Variants in NCOA2 observed in about 807,000 individuals in gnomAD.
NCOA2 encodes nuclear receptor coactivator 2, also known as class E basic helix-loop-helix protein 75.
NCOA2 carries 21 observed loss-of-function variants against 145.1 expected under a neutral mutation model. That is an observed-to-expected ratio of 0.14 (90% CI 0.10 to 0.21). NCOA2 has a LOEUF of 0.21. Among genes scored for constraint, NCOA2 ranks in the 10% least tolerant of loss-of-function variants. The pLI is 1.00. For missense variants in NCOA2, 1,472 were observed against 1,837.6 expected (o/e 0.80, Z 3.64); for synonymous variants, 619 against 637.5 (o/e 0.97, Z 0.44).
At chr8:70,400,333 G>T (rs1406924146) in intron 1 of NCOA2, among the ~76,000 whole-genome samples, 1 of 152,102 alleles carries the variant, frequency 6.6e-6, no homozygotes, top group Non-Finnish European at 1.5e-5. Flanking sequence ...GCACACAATG[G>T]AATCACAGCT....
intron 3 of NCOA2, among the ~76,000 whole-genome samples, 152 bp downstream of exon 3, chr8:70,216,508 T>C (rs1277053432): frequency 6.6e-6 from 1 of 152,210 alleles, no homozygotes; most frequent in African/African-American, 2.4e-5. Flanking sequence ...ATATTCAAAA[T>C]GTAAGCAAGT....
intron 1 of NCOA2, among the ~76,000 whole-genome samples, chr8:70,365,663 C>T (rs372451126): frequency 3.3e-5 from 5 of 152,286 alleles, no homozygotes; most frequent in East Asian, 1.9e-4. Flanking sequence ...CAATTACAGA[C>T]GTAAATGTTT....
At chr8:70,357,658 G>A (rs929131763) in intron 1 of NCOA2, among the ~76,000 whole-genome samples, 20 of 151,572 alleles carry the variant, frequency 1.3e-4, no homozygotes, top group African/African-American at 3.6e-4. Context: ...GGAGAATGGC[G>A]TGAACCTGGG....
At chr8:70,400,419 C>G (rs1334111950) in intron 1 of NCOA2, among the ~76,000 whole-genome samples, 1 of 151,976 alleles carries the variant, frequency 6.6e-6, no homozygotes, top group African/African-American at 2.4e-5. Context: ...CATTAGGAGA[C>G]TTGGTTCTCT....
chr8:70,139,865 C>T (rs569037061), intron 14 of NCOA2, among the ~76,000 whole-genome samples: 17 of 151,972 alleles, frequency 1.1e-4, no homozygotes, highest in Non-Finnish European at 1.8e-4. Flanking sequence ...GTTGGCCAGG[C>T]TGGTCTCAAA....
At position 70,111,810 on chromosome 8, in the gene NCOA2, T is replaced by C. The variant is rs1806564145; in HGVS notation, c.*1822A>G. ...CCACAAATAAACAAACAATCAAATTTCAAGGAAAAACTTCTCTGTTCCTAA... is the reference window on the plus strand; with the variant it reads ...CCACAAATAAACAAACAATCAAATTCCAAGGAAAAACTTCTCTGTTCCTAA... On this transcript the variant is annotated 3_prime_UTR_variant, in exon 23 of 23. Transcript: ENST00000452400. 1 of 215,818 alleles carries C rather than the reference T, an allele frequency of 4.6e-6. No individual in the cohort carries two copies. Among genetic ancestry groups the C allele is most frequent in the African/African-American group, 2.3e-5 (1 of 44,394 alleles). 13.4% of individuals were successfully genotyped at this position (215,818 alleles called of 1,614,324 possible). A position where few individuals can be genotyped will look rare whatever the true frequency, so the allele number is the denominator to read the frequency against.
At chr8:70,126,584 G>A (rs1018823351) in intron 19 of NCOA2, 3 of 570,254 alleles carry the variant, frequency 5.3e-6, no homozygotes, top group African/African-American at 1.9e-5. Flanking sequence ...AGTAAGACCT[G>A]CACTCAGAGA....
At chr8:70,231,786 T>A (rs1821157093) in intron 2 of NCOA2, among the ~76,000 whole-genome samples, 1 of 152,186 alleles carries the variant, frequency 6.6e-6, no homozygotes, top group African/African-American at 2.4e-5. Context: ...GATGCCCTTA[T>A]ATAGAATCTT....
At chr8:70,333,540 T>C (rs1046553893) in intron 1 of NCOA2, among the ~76,000 whole-genome samples, 4 of 152,228 alleles carry the variant, frequency 2.6e-5, no homozygotes, top group Non-Finnish European at 5.9e-5. Flanking sequence ...TTGGGCGACA[T>C]GAATACACAT....
At chr8:70,455,616 G>A in the NCOA2 span, among the ~76,000 whole-genome samples, 1 of 150,966 alleles carries the variant, frequency 6.6e-6, no homozygotes, top group East Asian at 1.9e-4. Context: ...AGCCAATTAT[G>A]GTCACTTTGG....
rs1563776041 is a variant in NCOA2 at position 70,335,153 on chromosome 8, A to AAAG, written c.-76-38354_-76-38353insCTT. Among the ~76,000 whole-genome samples the AAAG allele has an allele frequency of 2.8e-4, 37 of 131,638 alleles. 2 individuals are homozygous for AAAG. Among genetic ancestry groups the AAAG allele is most frequent in the Admixed American group, 6.0e-4 (8 of 13,230 alleles). The allele number at this position is 131,638 out of a possible 152,430, so 86.4% of individuals were successfully genotyped here. A position where few individuals can be genotyped will look rare whatever the true frequency, so the allele number is the denominator to read the frequency against. ...AAAAAAAAAAAAAAAAAAAAAAAAA[A>AAAG]GATCTCTCCCTATGACCATTTTCTC... is the stretch of plus-strand genomic sequence containing the variant. On this transcript the variant is annotated intron_variant, in intron 1 of 22. Transcript: ENST00000452400.
At chr8:70,271,139 TCTTTTTAAACCAAGAA>T (rs1173910010) in intron 2 of NCOA2, among the ~76,000 whole-genome samples, 1 of 152,192 alleles carries the variant, frequency 6.6e-6, no homozygotes, top group African/African-American at 2.4e-5. Context: ...TTTTCAAACA[TCTTTTTAAACCAAGAA>T]GGAGATCTTT....
chr8:70,369,588 G>A (rs1489809362), intron 1 of NCOA2, among the ~76,000 whole-genome samples: 2 of 152,088 alleles, frequency 1.3e-5, no homozygotes, highest in East Asian at 1.9e-4. Flanking sequence ...AGAGCAGAAG[G>A]CACACAATCT....
chr8:70,411,247 T>C, the NCOA2 span, among the ~76,000 whole-genome samples: 2 of 152,186 alleles, frequency 1.3e-5, no homozygotes, highest in African/African-American at 4.8e-5. Context: ...TATTACCATT[T>C]GTAACCAACA....
chr8:70,263,609 A>G (rs1207788742), intron 2 of NCOA2, among the ~76,000 whole-genome samples: 1 of 152,128 alleles, frequency 6.6e-6, no homozygotes, highest in Non-Finnish European at 1.5e-5. Context: ...AAGTCAATAT[A>G]AAAAACATCA....
rs575118640 is a variant in NCOA2 at position 70,227,387 on chromosome 8, T to C, written c.-19-10623A>G. 8.3e-4 allele frequency among the ~76,000 whole-genome samples: 127 copies of C among 152,356 alleles called. 1 individual carries two copies. Among genetic ancestry groups the C allele is most frequent in the African/African-American group, 3.0e-3 (123 of 41,592 alleles). On this transcript the variant is annotated intron_variant, in intron 2 of 22. Transcript: ENST00000452400. Reference sequence around the variant, plus strand: ...TGATAAGAAATAAGGGACACAGTTATAGGCTGTTTTGGCAGTGTAAATAAT... The same window carrying C: ...TGATAAGAAATAAGGGACACAGTTACAGGCTGTTTTGGCAGTGTAAATAAT...
At chr8:70,370,479 G>A (rs1053000163) in intron 1 of NCOA2, among the ~76,000 whole-genome samples, 1 of 152,092 alleles carries the variant, frequency 6.6e-6, no homozygotes, top group Non-Finnish European at 1.5e-5. Context: ...CAGGCAGTAG[G>A]AAAATCAGCA....
At chr8:70,214,947 T>C (rs1317517085) in intron 3 of NCOA2, among the ~76,000 whole-genome samples, 2 of 152,084 alleles carry the variant, frequency 1.3e-5, no homozygotes, top group Non-Finnish European at 2.9e-5. Context: ...TATTTGTATA[T>C]AATACTAATT....
chr8:70,453,828 T>G, the NCOA2 span, among the ~76,000 whole-genome samples: 3 of 152,048 alleles, frequency 2.0e-5, no homozygotes, highest in Non-Finnish European at 4.4e-5. Context: ...AAGAGAGAAA[T>G]AGAAATAGAA....
Sources: allele counts gnomAD v4.1 joint callset (sites outside exome capture counted in the v4.1 genomes callset), GRCh38; gene constraint gnomAD v4.1.1; transcripts MANE v1.5; gene names NCBI Gene and HGNC (gene_info 2026-07-23, HGNC 2026-07-21).